Variants in ZNF423 observed in about 807,000 individuals in gnomAD.
ZNF423 encodes the protein Ebf-associated zinc finger protein.
A neutral mutation model predicts 95.8 loss-of-function variants in ZNF423; 12 were observed. That is an observed-to-expected ratio of 0.13 (90% CI 0.08 to 0.20). ZNF423 has a LOEUF of 0.20. ZNF423 is among the 10% of genes least tolerant of loss of function. The pLI is 1.00. For missense variants in ZNF423, 1,316 were observed against 1,737.1 expected (o/e 0.76, Z 4.31); for synonymous variants, 749 against 711.9 (o/e 1.05, Z -0.83).
chr16:49,851,244 C>T (rs1449179734), intron 1 of ZNF423, among the ~76,000 whole-genome samples: 1 of 152,228 alleles, frequency 6.6e-6, no homozygotes, highest in Non-Finnish European at 1.5e-5. Context: ...CTGGTCCTAA[C>T]ACTGCCTTGA....
At chr16:49,817,110 C>A (rs2034867640) in intron 1 of ZNF423, among the ~76,000 whole-genome samples, 1 of 152,186 alleles carries the variant, frequency 6.6e-6, no homozygotes, top group African/African-American at 2.4e-5. Flanking sequence ...CATTTGCCAT[C>A]TCGAAATAAG....
chr16:49,626,821 C>A, intron 4 of ZNF423, among the ~76,000 whole-genome samples: 1 of 147,806 alleles, frequency 6.8e-6, no homozygotes, highest in East Asian at 2.1e-4. Flanking sequence ...CATCCATCTA[C>A]ATATACACCC....
chr16:49,556,647 C>T (rs1356468572), intron 5 of ZNF423, among the ~76,000 whole-genome samples: 6 of 152,208 alleles, frequency 3.9e-5, no homozygotes, highest in East Asian at 3.8e-4. Flanking sequence ...CACTGGGCTG[C>T]GGAATTTAGC....
intron 1 of ZNF423, among the ~76,000 whole-genome samples, chr16:49,826,141 G>T (rs1318767829): frequency 6.6e-6 from 1 of 152,208 alleles, no homozygotes; most frequent in Admixed American, 6.5e-5. Context: ...GAGCCCGGGA[G>T]GTCGAGGCTT....
intron 3 of ZNF423, among the ~76,000 whole-genome samples, chr16:49,671,558 A>G (rs950673898): frequency 1.3e-5 from 2 of 152,152 alleles, no homozygotes; most frequent in Non-Finnish European, 2.9e-5. Flanking sequence ...CAAGAGTGGG[A>G]GGAAGAAAGG....
At chr16:49,620,372 C>T (rs1401019420) in intron 5 of ZNF423, among the ~76,000 whole-genome samples, 1 of 152,152 alleles carries the variant, frequency 6.6e-6, no homozygotes, top group Non-Finnish European at 1.5e-5. Context: ...ACTTTAAGAG[C>T]CTGGGCAGGA....
At chr16:49,781,745 G>C (rs538001351) in intron 2 of ZNF423, among the ~76,000 whole-genome samples, 2 of 152,306 alleles carry the variant, frequency 1.3e-5, no homozygotes, top group South Asian at 4.1e-4. Flanking sequence ...AGGGGATGAG[G>C]CTGTCGCCTT....
At position 49,636,900 on chromosome 16, in the gene ZNF423, C is replaced by T. The variant is rs143285873; in HGVS notation, c.2276G>A (p.Arg759His). The T allele has an allele frequency of 2.9e-5, 47 of 1,613,812 alleles. No individual in the cohort carries two copies. The highest frequency in any genetic ancestry group is 7.7e-5 in the South Asian group (7 of 91,086). The change falls in exon 4 of 8, where the codon CGC becomes CAC. Residue 759 changes from arginine to histidine, a missense_variant. Physicochemically the swap from Arg to His is conservative, Grantham distance 29. This residue lies in a region of ZNF423 where 620 missense variants were observed against 775.6 expected (regional missense o/e 0.80). Transcript: ENST00000563137. The surrounding 1 kb of genome is among the most constrained non-coding windows in gnomAD (Gnocchi z 8.6). ...GAAGTCCCAGTTGCAGGCCGTGCAG[C>T]GGTACATCTTCTTCTCATTGCTGTG... is the stretch of plus-strand genomic sequence containing the variant. ...VKHSNEKKMY[R>H]CTACNWDFRK...
rs563922623 is a variant in ZNF423 at position 49,489,419 on chromosome 16, C to G, written c.*1856G>C. ...GGGTCTTCCCCCAAAACTGCCAGGT[C>G]TCCAGGAGGCTGAAAATTGGCATTC... On this transcript the variant is annotated 3_prime_UTR_variant, in exon 8 of 8. Coordinates refer to ENST00000563137, the MANE Select transcript of ZNF423 (RefSeq NM_001379286.1). The G allele has an allele frequency of 1.3e-5, 2 of 152,396 alleles. No homozygotes were observed. Among genetic ancestry groups the G allele is most frequent in the African/African-American group, 4.8e-5 (2 of 41,596 alleles). 9.4% of individuals were successfully genotyped at this position (152,396 alleles called of 1,614,324 possible).
chr16:49,577,882 G>T (rs1463824663), intron 5 of ZNF423, among the ~76,000 whole-genome samples: 1 of 152,194 alleles, frequency 6.6e-6, no homozygotes, highest in Non-Finnish European at 1.5e-5. Context: ...CCGGCTCCCA[G>T]CCACCCTGGA....
intron 3 of ZNF423, among the ~76,000 whole-genome samples, chr16:49,698,952 A>G (rs892186187): frequency 3.9e-5 from 6 of 152,198 alleles, no homozygotes; most frequent in Non-Finnish European, 5.9e-5. Flanking sequence ...TTTCTGTTAT[A>G]TTATCTTTCT....
At chr16:49,851,499 C>A (rs894052896) in intron 1 of ZNF423, among the ~76,000 whole-genome samples, 3 of 152,218 alleles carry the variant, frequency 2.0e-5, no homozygotes, top group African/African-American at 7.2e-5. Context: ...TTAGATTGAA[C>A]CAGATCCCCA....
At chr16:49,551,108 C>T (rs993582227) in intron 5 of ZNF423, among the ~76,000 whole-genome samples, 1 of 152,202 alleles carries the variant, frequency 6.6e-6, no homozygotes, top group African/African-American at 2.4e-5. Context: ...TCCAGGTGGG[C>T]CCCCCACGGA....
At chr16:49,570,239 G>A (rs909914347) in intron 5 of ZNF423, among the ~76,000 whole-genome samples, 5 of 152,174 alleles carry the variant, frequency 3.3e-5, no homozygotes, top group Admixed American at 6.5e-5. Context: ...ACCCTTTAGT[G>A]AAGGCCTGCT....
In ZNF423 at chr16:49,831,654, T is replaced by TGGGACACCC. The variant is rs1390206716; in HGVS notation, c.40+24072_40+24080dup. Reference sequence around the variant, plus strand: ...AGGAGCTGTTCTCCCAGGGGACACTTGGGACACCCAGACTACAGGGAAGAG... The same window carrying TGGGACACCC: ...AGGAGCTGTTCTCCCAGGGGACACTTGGGACACCCGGGACACCCAGACTACAGGGAAGAG... On this transcript the variant is annotated intron_variant, in intron 1 of 7. Transcript: ENST00000563137. Among the ~76,000 whole-genome samples, 4 of 152,130 alleles carry TGGGACACCC rather than the reference T, an allele frequency of 2.6e-5. No homozygotes were observed. In the East Asian group the frequency reaches 5.8e-4, roughly 22 times the overall value.
At chr16:49,764,043 CTG>C (rs1221681997) in intron 2 of ZNF423, among the ~76,000 whole-genome samples, 1 of 152,186 alleles carries the variant, frequency 6.6e-6, no homozygotes, top group African/African-American at 2.4e-5. Context: ...GGGGCTGTGT[CTG>C]TGAGTCACCC....
intron 1 of ZNF423, among the ~76,000 whole-genome samples, chr16:49,815,865 A>G (rs1325304549): frequency 2.8e-5 from 1 of 36,130 alleles, no homozygotes; most frequent in Non-Finnish European, 5.6e-5. Context: ...CTAATTCCAA[A>G]CAAACAAAAA....
chr16:49,802,172 A>T (rs2034592889), intron 1 of ZNF423, among the ~76,000 whole-genome samples: 1 of 152,032 alleles, frequency 6.6e-6, no homozygotes, highest in Non-Finnish European at 1.5e-5. Context: ...TAACCCCTTG[A>T]TTTTACTTCG....
At chr16:49,751,219 T>C (rs2033628571) in intron 2 of ZNF423, among the ~76,000 whole-genome samples, 1 of 152,182 alleles carries the variant, frequency 6.6e-6, no homozygotes, top group South Asian at 2.1e-4. Context: ...GTCAAATCTT[T>C]TATTTTTGTT....
Sources: gnomAD v4.1 joint callset for allele counts (sites outside exome capture counted in the v4.1 genomes callset) on GRCh38, gnomAD v4.1.1 for gene constraint, gnomAD v4.1.1 regional missense constraint, Gnocchi (gnomAD v3.1) non-coding constraint, MANE v1.5 for transcripts, NCBI Gene and HGNC (gene_info 2026-07-23, HGNC 2026-07-21) for gene names.